Variants in FOCAD observed in about 807,000 individuals in gnomAD.
FOCAD encodes the protein focadhesin, also known as KIAA1797.
Under a neutral mutation model 225.6 loss-of-function variants are expected in FOCAD, and 198 were observed. The observed-to-expected ratio is 0.88, with a 90% CI of 0.78 to 0.99. The LOEUF is 0.99. Among genes scored for constraint, FOCAD ranks in the 50% least tolerant of loss-of-function variants. The pLI is 0.00. For missense variants in FOCAD, 2,713 were observed against 2,123.6 expected, an observed-to-expected ratio of 1.28 and a Z score of -5.46; for synonymous variants, 897 against 755.0, an observed-to-expected ratio of 1.19 and a Z score of -3.08.
intron 2 of FOCAD, chr9:20,716,327 T>C (rs1825331673): frequency 5.3e-6 from 1 of 188,748 alleles, no homozygotes; most frequent in Admixed American, 5.1e-5. Flanking sequence ...TACTGTTAAA[T>C]TAGGTGAAAA....
Position 20,765,071 on chromosome 9 carries a change from C to A in FOCAD, c.697C>A (p.Gln233Lys). The change falls in exon 7 of 44, where the codon CAG (glutamine) becomes AAG (lysine). Residue 233 changes from glutamine to lysine, a missense_variant and splice_region_variant. Transcript: ENST00000338382. ...QLCCDIVPCL[Q>K]VKDLIQTTEA... Reference sequence around the variant, plus strand: ...GTGTTGTGACATAGTTCCATGTTTGCAGGTAAGGTCTTTGTCCTCCTCCAC... The same window carrying A: ...GTGTTGTGACATAGTTCCATGTTTGAAGGTAAGGTCTTTGTCCTCCTCCAC... 1 of 1,611,164 alleles carries A rather than the reference C, an allele frequency of 6.2e-7. No individual in the cohort carries two copies. Among genetic ancestry groups the A allele is most frequent in the Non-Finnish European group, 8.5e-7 (1 of 1,178,416 alleles).
At chr9:20,871,604 A>C (rs1470089988) in intron 18 of FOCAD, among the ~76,000 whole-genome samples, 5 of 151,666 alleles carry the variant, frequency 3.3e-5, no homozygotes, top group Admixed American at 3.3e-4. Context: ...GAACTTACTC[A>C]TGTAACCAAA....
rs114800089 is a variant in FOCAD, at chr9:20,965,649, C to T, written c.4133-10771C>T. The stretch of plus-strand genomic sequence containing the variant: ...CTATTTCCAGAATGTTTTCATTACC[C>T]CAAGAGGAAACATTAAGCCCATTGA... On this transcript the variant is annotated intron_variant, in intron 35 of 43. Coordinates refer to ENST00000338382, the MANE Select transcript of FOCAD (RefSeq NM_001375567.1). Among the ~76,000 whole-genome samples, 402 of 152,218 alleles carry T rather than the reference C, an allele frequency of 2.6e-3. 3 individuals are homozygous for T. The highest frequency in any genetic ancestry group is 8.8e-3 in the African/African-American group (367 of 41,508).
In FOCAD at chr9:20,752,116, C is replaced by T. The variant is rs1388740174; in HGVS notation, c.393-5974C>T. On this transcript the variant is annotated intron_variant, in intron 5 of 43. Transcript: ENST00000338382. ...TCTCCCATTTTGTAGGTTGCCTGTT[C>T]ACTCTGATGGTAGTTTCTTTTGCTG... 1.9e-3 allele frequency among the ~76,000 whole-genome samples: 286 copies of T among 147,684 alleles called. 1 individual carries two copies. Among genetic ancestry groups the T allele is most frequent in the African/African-American group, 6.9e-3 (276 of 40,142 alleles).
chr9:20,660,956 T>C (rs960258401), intron 2 of FOCAD, among the ~76,000 whole-genome samples: 4 of 152,082 alleles, frequency 2.6e-5, no homozygotes, highest in Non-Finnish European at 5.9e-5. Flanking sequence ...GTGATTAAAA[T>C]GGAGTGGTTG....
At chr9:20,827,505 T>C (rs1825026461) in intron 15 of FOCAD, among the ~76,000 whole-genome samples, 1 of 152,020 alleles carries the variant, frequency 6.6e-6, no homozygotes, top group Admixed American at 6.6e-5. Flanking sequence ...TGTGTGTGTG[T>C]GTGTGTTTGT....
At chr9:20,972,889 T>A (rs997015460) in intron 35 of FOCAD, among the ~76,000 whole-genome samples, 1 of 152,140 alleles carries the variant, frequency 6.6e-6, no homozygotes, top group Non-Finnish European at 1.5e-5. Flanking sequence ...TGACTTTCCT[T>A]TATTCTGGTT....
chr9:20,932,837 G>C (rs538143663), intron 27 of FOCAD, among the ~76,000 whole-genome samples, 177 bp from the exon 28 acceptor site: 1 of 152,000 alleles, frequency 6.6e-6, no homozygotes, highest in African/African-American at 2.4e-5. Flanking sequence ...TAATTGGTCA[G>C]ACTTAGTTTC....
At chr9:20,745,136 G>A (rs1263720754) in intron 5 of FOCAD, among the ~76,000 whole-genome samples, 1 of 150,896 alleles carries the variant, frequency 6.6e-6, no homozygotes, top group Non-Finnish European at 1.5e-5. Flanking sequence ...TTGAGACAGG[G>A]TCTCACTCTG....
At chr9:20,664,133 A>T (rs1234281462) in intron 2 of FOCAD, among the ~76,000 whole-genome samples, 1 of 151,978 alleles carries the variant, frequency 6.6e-6, no homozygotes, top group Non-Finnish European at 1.5e-5. Flanking sequence ...GATTCTGCAG[A>T]AAATCTAATT....
chr9:20,964,681 G>T (rs1350942620), intron 35 of FOCAD, among the ~76,000 whole-genome samples: 2 of 152,000 alleles, frequency 1.3e-5, no homozygotes, highest in Admixed American at 6.6e-5. Context: ...GACAACAGGC[G>T]CATGCCACCA....
chr9:20,854,930 C>A (rs1022212488), intron 15 of FOCAD, among the ~76,000 whole-genome samples: 1 of 151,692 alleles, frequency 6.6e-6, no homozygotes, highest in Non-Finnish European at 1.5e-5. Flanking sequence ...CCACTGCATA[C>A]CCATTGATTT....
intron 5 of FOCAD, among the ~76,000 whole-genome samples, chr9:20,750,868 A>C (rs773498506): frequency 7.2e-5 from 11 of 152,118 alleles, no homozygotes; most frequent in Non-Finnish European, 1.3e-4. Context: ...GAGAGCTGCC[A>C]CCTTTAATAC....
intron 8 of FOCAD, among the ~76,000 whole-genome samples, chr9:20,777,087 GT>G (rs889637524): frequency 1.3e-5 from 2 of 150,192 alleles, no homozygotes; most frequent in Admixed American, 6.6e-5. Flanking sequence ...TTCTTTTGTT[GT>G]TTTTTTTCAA....
chr9:20,659,460 A>AAGAAAGAAAGAC (rs1563860578), intron 2 of FOCAD, among the ~76,000 whole-genome samples: 2 of 138,878 alleles, frequency 1.4e-5, no homozygotes, highest in South Asian at 4.4e-4. Flanking sequence ...GACAGAAAGA[A>AAGAAAGAAAGAC]AAAGAGGTGA....
At chr9:20,944,990 G>C (rs1255127467) in intron 29 of FOCAD, among the ~76,000 whole-genome samples, 3 of 152,166 alleles carry the variant, frequency 2.0e-5, no homozygotes, top group Non-Finnish European at 4.4e-5. Context: ...TAAGATAAGA[G>C]CCTTTAGTGA....
chr9:20,956,492 C>T (rs1232624193), intron 35 of FOCAD, among the ~76,000 whole-genome samples: 1 of 152,032 alleles, frequency 6.6e-6, no homozygotes, highest in South Asian at 2.1e-4. Context: ...ATAATGTCCT[C>T]CTATATGTAT....
intron 35 of FOCAD, among the ~76,000 whole-genome samples, chr9:20,972,598 C>T (rs1839861352): frequency 6.6e-6 from 1 of 152,094 alleles, no homozygotes; most frequent in South Asian, 2.1e-4. Flanking sequence ...GCTAATTCTG[C>T]ATGTGCTTCT....
At chr9:20,806,365 A>C (rs1374985321) in intron 11 of FOCAD, among the ~76,000 whole-genome samples, 1 of 152,150 alleles carries the variant, frequency 6.6e-6, no homozygotes, top group Non-Finnish European at 1.5e-5. Flanking sequence ...TTATACCTGC[A>C]TGCTTTGTTC....
Sources: gnomAD v4.1 joint callset for allele counts (sites outside exome capture counted in the v4.1 genomes callset) on GRCh38, gnomAD v4.1.1 for gene constraint, MANE v1.5 for transcripts, NCBI Gene and HGNC (gene_info 2026-07-23, HGNC 2026-07-21) for gene names.